Variants in SEMA3E observed in about 807,000 individuals in gnomAD.
SEMA3E encodes the protein semaphorin 3E.
In SEMA3E, 49 loss-of-function variants were observed where a neutral mutation model predicts 93.6. The ratio of observed to expected loss-of-function variants is 0.52; its 90% CI spans 0.42 to 0.66. The LOEUF (loss-of-function observed/expected upper bound fraction) is 0.66, where lower values mean the gene tolerates loss of function less well. Ranked by LOEUF, SEMA3E falls within the 30% of genes least tolerant of loss-of-function variation. The pLI is 0.00. For synonymous variants in SEMA3E, 363 were observed against 330.7 expected, an observed-to-expected ratio of 1.10 and a Z score of -1.06; for missense variants, 906 against 964.8, an observed-to-expected ratio of 0.94 and a Z score of 0.81.
At chr7:83,571,246 A>C (rs556132041) in intron 1 of SEMA3E, among the ~76,000 whole-genome samples, 20 of 152,208 alleles carry the variant, frequency 1.3e-4, no homozygotes, top group Non-Finnish European at 2.4e-4. Flanking sequence ...TTCTGATGCC[A>C]AAATCTGCCA....
chr7:83,497,018 T>G (rs1407534204), intron 1 of SEMA3E, among the ~76,000 whole-genome samples: 2 of 152,104 alleles, frequency 1.3e-5, no homozygotes, highest in Non-Finnish European at 2.9e-5. Flanking sequence ...AAGATGAAAC[T>G]GAAATGCACC....
chr7:83,405,285 A>G (rs529647316), intron 9 of SEMA3E, among the ~76,000 whole-genome samples, 165 bp downstream of exon 9: 5 of 152,198 alleles, frequency 3.3e-5, no homozygotes, highest in Middle Eastern at 3.4e-3. Context: ...ATGAAAGTAC[A>G]TTTGCAAACG....
At chr7:83,624,084 G>A (rs42009) in intron 1 of SEMA3E, among the ~76,000 whole-genome samples, 91,069 of 151,996 alleles carry the variant, frequency 0.6, 27,559 homozygotes, top group South Asian at 0.68. Context: ...ATAATACTCA[G>A]TGGTGTGTAT....
chr7:83,418,247 T>C, intron 5 of SEMA3E, 143 bp downstream of exon 5: 1 of 696,304 alleles, frequency 1.4e-6, no homozygotes, highest in South Asian at 1.6e-5. Flanking sequence ...GCTTGAAATT[T>C]AATATCATTG....
chr7:83,615,451 A>C (rs990489328), intron 1 of SEMA3E, among the ~76,000 whole-genome samples: 9 of 152,136 alleles, frequency 5.9e-5, no homozygotes, highest in Non-Finnish European at 1.2e-4. Context: ...AGCTTGGACT[A>C]TGACCCAGAG....
At chr7:83,403,329 T>C (rs923195173) in intron 9 of SEMA3E, among the ~76,000 whole-genome samples, 7 of 151,928 alleles carry the variant, frequency 4.6e-5, no homozygotes, top group Admixed American at 4.6e-4. Context: ...TTAATATGCT[T>C]GTATATTCCT....
chr7:83,517,885 T>C (rs76907413), intron 1 of SEMA3E, among the ~76,000 whole-genome samples: 1,736 of 152,226 alleles, frequency 0.011, 26 homozygotes, highest in African/African-American at 0.04. Context: ...CTGAGGTAGA[T>C]GATAATGTGT....
At chr7:83,631,790 G>T (rs1171544547) in intron 1 of SEMA3E, among the ~76,000 whole-genome samples, 3 of 152,128 alleles carry the variant, frequency 2.0e-5, no homozygotes, top group Non-Finnish European at 2.9e-5. Context: ...CCTTAGAAGG[G>T]CTGACAGCAA....
chr7:83,371,105 CACAAAA>C (rs760763685), intron 16 of SEMA3E, among the ~76,000 whole-genome samples: 11 of 152,014 alleles, frequency 7.2e-5, no homozygotes, highest in Non-Finnish European at 1.0e-4. Flanking sequence ...TGTTTATTGA[CACAAAA>C]ATCAATATGA....
chr7:83,506,263 A>T (rs915970793), intron 1 of SEMA3E, among the ~76,000 whole-genome samples: 2 of 152,090 alleles, frequency 1.3e-5, no homozygotes, highest in African/African-American at 4.8e-5. Flanking sequence ...TAGCGCATAT[A>T]CACAATACAG....
intron 4 of SEMA3E, among the ~76,000 whole-genome samples, chr7:83,452,311 T>C (rs149329120): frequency 1.2e-3 from 181 of 152,246 alleles, no homozygotes; most frequent in African/African-American, 4.2e-3. Context: ...CATGTATTTA[T>C]ATTTGTTCAA....
At chr7:83,617,114 A>T (rs1311067198) in intron 1 of SEMA3E, among the ~76,000 whole-genome samples, 1 of 152,168 alleles carries the variant, frequency 6.6e-6, no homozygotes, top group Non-Finnish European at 1.5e-5. Flanking sequence ...TGTTTTAAAT[A>T]GAAAACACAA....
intron 16 of SEMA3E, chr7:83,372,164 T>C (rs2116897980): frequency 2.5e-6 from 1 of 397,072 alleles, no homozygotes; most frequent in Admixed American, 4.4e-5. Context: ...CCAAAAGATA[T>C]TAAAAACTTC....
chr7:83,489,722 G>A (rs531977995), intron 2 of SEMA3E, among the ~76,000 whole-genome samples: 1 of 143,272 alleles, frequency 7.0e-6, no homozygotes, highest in Admixed American at 7.4e-5. Flanking sequence ...ACTATATGAG[G>A]TAGTTATATC....
At chr7:83,407,261 GA>G (rs1242983229) in intron 6 of SEMA3E, 22 bp from the exon 7 acceptor site, 3 of 1,594,188 alleles carry the variant, frequency 1.9e-6, no homozygotes, top group Non-Finnish European at 2.6e-6. Context: ...AAAAATAGGA[GA>G]AAAAGTGAAA....
At chr7:83,377,325 T>G (rs1360665417) in intron 16 of SEMA3E, among the ~76,000 whole-genome samples, 1 of 152,038 alleles carries the variant, frequency 6.6e-6, no homozygotes, top group Non-Finnish European at 1.5e-5. Context: ...GCTTTACTTG[T>G]GTATGCATTT....
chr7:83,532,969 A>C (rs999725030), intron 1 of SEMA3E, among the ~76,000 whole-genome samples: 6 of 152,074 alleles, frequency 3.9e-5, no homozygotes, highest in African/African-American at 1.4e-4. Context: ...CTAAGTCCAA[A>C]AGATAAAATG....
At chr7:83,390,080 TGTGC>T in intron 14 of SEMA3E, among the ~76,000 whole-genome samples, 1 of 97,072 alleles carries the variant, frequency 1.0e-5, no homozygotes, top group African/African-American at 4.0e-5. Context: ...CGCGTATACG[TGTGC>T]ACATATATGC....
chr7:83,401,223 C>G (rs1020201672), intron 10 of SEMA3E, among the ~76,000 whole-genome samples: 3 of 152,092 alleles, frequency 2.0e-5, no homozygotes, highest in Non-Finnish European at 2.9e-5. Flanking sequence ...TGTGTTGATT[C>G]ATGCTTGTTA....
Sources: allele counts gnomAD v4.1 joint callset (sites outside exome capture counted in the v4.1 genomes callset), GRCh38; gene constraint gnomAD v4.1.1; transcripts MANE v1.5; gene names NCBI Gene and HGNC (gene_info 2026-07-23, HGNC 2026-07-21).